Variants in PTPRZ1 observed in about 807,000 individuals in gnomAD.
PTPRZ1 encodes the protein protein tyrosine phosphatase receptor type Z1.
PTPRZ1 carries 82 observed loss-of-function variants against 214.1 expected under a neutral mutation model. That is an observed-to-expected ratio of 0.38 (90% confidence interval 0.32 to 0.46). The LOEUF (loss-of-function observed/expected upper bound fraction) is 0.46. Among genes scored for constraint, PTPRZ1 ranks in the 20% least tolerant of loss-of-function variants. The pLI is 1.00. For synonymous variants in PTPRZ1, 945 were observed against 987.9 expected (o/e 0.96, Z 0.81); for missense variants, 2,603 against 2,748.7 (o/e 0.95, Z 1.19).
chr7:121,993,507 G>A (rs1252445726), intron 8 of PTPRZ1, among the ~76,000 whole-genome samples: 3 of 149,322 alleles, frequency 2.0e-5, no homozygotes, highest in East Asian at 3.9e-4. Flanking sequence ...CCCAGGAGGC[G>A]GAGTTTGCAG....
At chr7:121,939,689 T>C (rs1275249500) in intron 2 of PTPRZ1, among the ~76,000 whole-genome samples, 1 of 152,234 alleles carries the variant, frequency 6.6e-6, no homozygotes, top group Non-Finnish European at 1.5e-5. Context: ...AAAGTGTGGA[T>C]ATTATTAGTT....
intron 2 of PTPRZ1, among the ~76,000 whole-genome samples, chr7:121,935,760 G>T (rs1047177634): frequency 6.6e-6 from 1 of 151,930 alleles, no homozygotes; most frequent in East Asian, 1.9e-4. Flanking sequence ...AGTAGAGATG[G>T]GGTTTCACCG....
At chr7:122,016,672 T>C (rs898646087) in intron 12 of PTPRZ1, among the ~76,000 whole-genome samples, 3 of 151,788 alleles carry the variant, frequency 2.0e-5, no homozygotes, top group Admixed American at 1.3e-4. Flanking sequence ...TATTTACATA[T>C]ATAATGCATT....
intron 1 of PTPRZ1, among the ~76,000 whole-genome samples, chr7:121,878,025 T>A (rs564367922): frequency 6.6e-6 from 1 of 151,560 alleles, no homozygotes; most frequent in Non-Finnish European, 1.5e-5. Flanking sequence ...TTTAGTGTCT[T>A]ATTGAGATTA....
At chr7:121,900,728 A>G (rs1440380057) in intron 1 of PTPRZ1, among the ~76,000 whole-genome samples, 4 of 152,200 alleles carry the variant, frequency 2.6e-5, no homozygotes, top group Non-Finnish European at 1.5e-5. Context: ...GACCATAAGG[A>G]CGTACCTGAA....
chr7:122,024,751 T>C (rs1293102425), intron 13 of PTPRZ1, among the ~76,000 whole-genome samples: 5 of 152,186 alleles, frequency 3.3e-5, no homozygotes, highest in Non-Finnish European at 7.4e-5. Context: ...GTAGAATTGG[T>C]GTTTACCCAC....
intron 2 of PTPRZ1, among the ~76,000 whole-genome samples, chr7:121,942,495 A>G (rs1010914120): frequency 6.6e-6 from 1 of 152,216 alleles, no homozygotes; most frequent in Non-Finnish European, 1.5e-5. Context: ...ATAACTTTTA[A>G]ATATGATTCT....
At chr7:121,882,700 C>A (rs1794278770) in intron 1 of PTPRZ1, among the ~76,000 whole-genome samples, 1 of 152,080 alleles carries the variant, frequency 6.6e-6, no homozygotes, top group Non-Finnish European at 1.5e-5. Context: ...GGTATCAGAG[C>A]ATAGGATGGA....
chr7:122,023,484 T>TATATATATAA (rs1200565183), intron 13 of PTPRZ1, among the ~76,000 whole-genome samples: 1 of 137,446 alleles, frequency 7.3e-6, no homozygotes, highest in African/African-American at 2.7e-5. Context: ...TATATATAAT[T>TATATATATAA]TTATATATAA....
chr7:121,962,998 TTC>T (rs1187546705), intron 2 of PTPRZ1, among the ~76,000 whole-genome samples: 1 of 152,188 alleles, frequency 6.6e-6, no homozygotes, highest in Admixed American at 6.5e-5. Context: ...CTGTTTATTT[TTC>T]TGTTTGTTGG....
intron 2 of PTPRZ1, chr7:121,966,943 A>G (rs962136675): frequency 2.6e-5 from 4 of 152,226 alleles, no homozygotes; most frequent in Non-Finnish European, 1.5e-5. Flanking sequence ...AGAAGAATAT[A>G]AAATGAAAAC....
chr7:121,903,268 C>T (rs1248114014), intron 1 of PTPRZ1, among the ~76,000 whole-genome samples: 1 of 152,056 alleles, frequency 6.6e-6, no homozygotes, highest in African/African-American at 2.4e-5. Flanking sequence ...GATAAAAATG[C>T]ATATTTTTTT....
chr7:121,926,557 T>C (rs1795770153), intron 1 of PTPRZ1, among the ~76,000 whole-genome samples: 1 of 152,162 alleles, frequency 6.6e-6, no homozygotes, highest in African/African-American at 2.4e-5. Flanking sequence ...CAAAAGGCCA[T>C]GTATTGTATC....
intron 1 of PTPRZ1, among the ~76,000 whole-genome samples, chr7:121,915,954 A>G (rs1446290861): frequency 6.6e-6 from 1 of 152,158 alleles, no homozygotes; most frequent in East Asian, 1.9e-4. Flanking sequence ...TTTGATGTGC[A>G]ATAATGCTAC....
intron 20 of PTPRZ1, 63 bp from the exon 21 acceptor site, chr7:122,040,729 CGTGTGTGTGTGTGTGTGTGTGTGT>C (rs3993671): frequency 2.9e-4 from 142 of 489,478 alleles, no homozygotes; most frequent in Middle Eastern, 1.5e-3. Context: ...GTTGAAGAAC[CGTGTGTGTGTGTGTGTGTGTGTGT>C]GTGTGTGTGT....
chr7:122,013,168 T>C lies in PTPRZ1; in HGVS notation c.4122T>C (p.Val1374=). The C allele has an allele frequency of 6.2e-7, 1 of 1,614,142 alleles. No homozygotes were observed. The highest frequency in any genetic ancestry group is 8.5e-7 in the Non-Finnish European group (1 of 1,179,944). Residue 1374 remains valine, a synonymous_variant, in exon 12 of 30, where the codon GTT becomes GTC. Transcript: ENST00000393386. ...DHSVPIGNGH[V]AITAVSPHRD... Reference sequence around the variant, plus strand: ...CTGTTCCTATAGGAAATGGGCATGTTGCCATTACAGCTGTTTCTCCCCACA... The same window carrying C: ...CTGTTCCTATAGGAAATGGGCATGTCGCCATTACAGCTGTTTCTCCCCACA...
At chr7:121,902,815 G>C (rs1916882) in intron 1 of PTPRZ1, among the ~76,000 whole-genome samples, 8,743 of 151,980 alleles carry the variant, frequency 0.058, 637 homozygotes, top group African/African-American at 0.17. Flanking sequence ...TCTTTGTTTA[G>C]TTTATTGATC....
At chr7:122,009,509 T>G (rs1798584730) in intron 11 of PTPRZ1, among the ~76,000 whole-genome samples, 1 of 151,044 alleles carries the variant, frequency 6.6e-6, no homozygotes, top group South Asian at 2.1e-4. Context: ...TCTAAGTATA[T>G]AATTAGATAT....
chr7:121,982,620 A>C (rs1797644960), intron 6 of PTPRZ1, among the ~76,000 whole-genome samples: 1 of 152,114 alleles, frequency 6.6e-6, no homozygotes, highest in Non-Finnish European at 1.5e-5. Context: ...TGTATTTGAT[A>C]ATGTTTTCCT....
Sources: allele counts gnomAD v4.1 joint callset (sites outside exome capture counted in the v4.1 genomes callset), GRCh38; gene constraint gnomAD v4.1.1; transcripts MANE v1.5; gene names NCBI Gene and HGNC (gene_info 2026-07-23, HGNC 2026-07-21).